NAV2: variants seen among roughly 807,000 people sequenced by gnomAD.
NAV2 encodes neuron navigator 2, also known as helicase, APC down-regulated 1.
Under a neutral mutation model 223.2 loss-of-function variants are expected in NAV2, and 54 were observed. That is an observed-to-expected ratio of 0.24 (90% CI 0.19 to 0.30). NAV2 has a LOEUF of 0.30. Ranked by LOEUF, NAV2 falls within the 10% of genes least tolerant of loss-of-function variation. The pLI is 1.00. For synonymous variants in NAV2, 1,279 were observed against 1,239.3 expected (o/e 1.03, Z -0.67); for missense variants, 2,806 against 3,147.5 (o/e 0.89, Z 2.60).
At position 20,058,816 on chromosome 11, in the gene NAV2, G is replaced by A. The variant is rs556987757; in HGVS notation, c.4831+2859G>A. Among the ~76,000 whole-genome samples the A allele has an allele frequency of 3.3e-5, 5 of 152,318 alleles. No individual in the cohort carries two copies. The South Asian group carries it at 8.3e-4, about 25-fold the overall frequency. On this transcript the variant is annotated intron_variant, in intron 19 of 37. Transcript: ENST00000349880. ...TTTGGAAAATTGAAGTGAAGATTAG[G>A]TGAGATGAATCTTGGAAAGCATTTA...
intron 8 of NAV2, among the ~76,000 whole-genome samples, chr11:19,943,219 T>C (rs577283497): frequency 6.6e-6 from 1 of 152,310 alleles, no homozygotes; most frequent in Admixed American, 6.5e-5. Context: ...ACATAAAATG[T>C]GGCCAAATTG....
chr11:19,435,956 A>G (rs913479382), intron 1 of NAV2, among the ~76,000 whole-genome samples: 3 of 151,968 alleles, frequency 2.0e-5, no homozygotes, highest in African/African-American at 7.2e-5. Flanking sequence ...TTCTTCATCT[A>G]TTTTGGATAT....
At chr11:19,518,079 T>C (rs2043515744) in intron 1 of NAV2, among the ~76,000 whole-genome samples, 1 of 152,258 alleles carries the variant, frequency 6.6e-6, no homozygotes, top group Admixed American at 6.5e-5. Flanking sequence ...GAGTGGGCTA[T>C]TGACTTCTTC....
At chr11:19,604,255 G>A (rs181614689) in intron 1 of NAV2, among the ~76,000 whole-genome samples, 3 of 152,252 alleles carry the variant, frequency 2.0e-5, no homozygotes, top group African/African-American at 7.2e-5. Flanking sequence ...GAGGGTAGGA[G>A]GAGGCTACTG....
intron 1 of NAV2, among the ~76,000 whole-genome samples, chr11:19,454,222 T>C: frequency 6.6e-6 from 1 of 152,020 alleles, no homozygotes; most frequent in Non-Finnish European, 1.5e-5. Flanking sequence ...AATGGTTAGG[T>C]TTCAGCAGCT....
At chr11:19,350,791 AT>A in exon 1 of NAV2, 4 of 677,718 alleles carry the variant, frequency 5.9e-6, no homozygotes, top group Non-Finnish European at 1.0e-5. Flanking sequence ...TCCCGAGTGG[AT>A]TTTAAGAAGA....
chr11:20,109,606 CA>C (rs1286650644), intron 36 of NAV2, among the ~76,000 whole-genome samples: 4 of 152,238 alleles, frequency 2.6e-5, no homozygotes, highest in Non-Finnish European at 5.9e-5. Flanking sequence ...CCTCTGTTCT[CA>C]TTGATGGCTT....
At chr11:19,584,439 C>T (rs1590606864) in intron 1 of NAV2, among the ~76,000 whole-genome samples, 1 of 152,192 alleles carries the variant, frequency 6.6e-6, no homozygotes, top group South Asian at 2.1e-4. Flanking sequence ...TGTGTTTGCT[C>T]TTGCTTCTCT....
chr11:19,794,500 A>G (rs749869542), intron 1 of NAV2, among the ~76,000 whole-genome samples: 4 of 152,224 alleles, frequency 2.6e-5, no homozygotes, highest in Non-Finnish European at 4.4e-5. Flanking sequence ...TGGTATTTAC[A>G]ATGAATATAA....
At chr11:20,090,680 A>C (rs1439518145) in intron 26 of NAV2, among the ~76,000 whole-genome samples, 185 bp from the exon 27 acceptor site, 1 of 152,194 alleles carries the variant, frequency 6.6e-6, no homozygotes, top group African/African-American at 2.4e-5. Flanking sequence ...TTAAAGAAGA[A>C]AAAAAGAATA....
At chr11:19,443,754 A>G (rs1851485738) in intron 1 of NAV2, among the ~76,000 whole-genome samples, 1 of 152,208 alleles carries the variant, frequency 6.6e-6, no homozygotes, top group African/African-American at 2.4e-5. Flanking sequence ...GAGATTGAGC[A>G]AATTCTTCAC....
chr11:19,711,503 C>T (rs547068429), upstream of NAV2: 13 of 152,308 alleles, frequency 8.5e-5, no homozygotes, highest in South Asian at 2.7e-3. Flanking sequence ...CTGTCTTGAC[C>T]TTATTACCTC....
chr11:20,000,229 G>A (rs1163138112), intron 11 of NAV2, among the ~76,000 whole-genome samples: 9 of 152,194 alleles, frequency 5.9e-5, no homozygotes, highest in Admixed American at 2.6e-4. Flanking sequence ...ACTAACCACC[G>A]TGTAACAACA....
At chr11:19,988,042 C>G (rs2050957025) in intron 11 of NAV2, among the ~76,000 whole-genome samples, 1 of 152,228 alleles carries the variant, frequency 6.6e-6, no homozygotes, top group Non-Finnish European at 1.5e-5. Context: ...TTCCTACATG[C>G]ACTGCTGTCC....
chr11:19,857,774 G>A (rs1281484829), intron 3 of NAV2, among the ~76,000 whole-genome samples: 1 of 152,224 alleles, frequency 6.6e-6, no homozygotes, highest in Non-Finnish European at 1.5e-5. Flanking sequence ...TGTATACATT[G>A]TATAATGATT....
At chr11:19,790,610 G>T (rs1344241678) in intron 1 of NAV2, among the ~76,000 whole-genome samples, 2 of 152,228 alleles carry the variant, frequency 1.3e-5, no homozygotes, top group Non-Finnish European at 2.9e-5. Flanking sequence ...ATATGTCTGA[G>T]ACTATGATTC....
At chr11:20,095,619 G>A (rs2061200182) in intron 29 of NAV2, 53 bp from the exon 30 acceptor site, 1 of 1,313,066 alleles carries the variant, frequency 7.6e-7, no homozygotes, top group Non-Finnish European at 1.1e-6. Flanking sequence ...CTGCTGAACT[G>A]AGTCAGAAAA....
At chr11:19,461,838 G>A (rs938598266) in intron 1 of NAV2, among the ~76,000 whole-genome samples, 3 of 152,132 alleles carry the variant, frequency 2.0e-5, no homozygotes, top group Non-Finnish European at 2.9e-5. Context: ...TGTGTGTGTG[G>A]AAACTAGACT....
At chr11:19,880,912 T>C (rs2063163182) in intron 5 of NAV2, among the ~76,000 whole-genome samples, 1 of 152,202 alleles carries the variant, frequency 6.6e-6, no homozygotes, top group South Asian at 2.1e-4. Flanking sequence ...ACAGAAAAGT[T>C]CATACTGTTT....
Sources: gnomAD v4.1 joint callset for allele counts (sites outside exome capture counted in the v4.1 genomes callset) on GRCh38, gnomAD v4.1.1 for gene constraint, MANE v1.5 for transcripts, NCBI Gene and HGNC (gene_info 2026-07-23, HGNC 2026-07-21) for gene names.